Variants in TMEM120B observed in about 807,000 individuals in gnomAD.
TMEM120B encodes the protein transmembrane protein 120B.
Under a neutral mutation model 55.5 loss-of-function variants are expected in TMEM120B, and 31 were observed. The observed-to-expected ratio is 0.56, with a 90% confidence interval of 0.42 to 0.75. The LOEUF (loss-of-function observed/expected upper bound fraction) is 0.75, where lower values mean the gene tolerates loss of function less well. Ranked by LOEUF, TMEM120B falls within the 30% of genes least tolerant of loss-of-function variation. TMEM120B has a pLI of 0.00. For synonymous variants in TMEM120B, 203 were observed against 176.3 expected (o/e 1.15, Z -1.20); for missense variants, 399 against 425.5 (o/e 0.94, Z 0.55).
chr12:121,751,934 C>T (rs1345155894), intron 4 of TMEM120B, among the ~76,000 whole-genome samples, 194 bp from the exon 5 acceptor site: 1 of 152,230 alleles, frequency 6.6e-6, no homozygotes, highest in Non-Finnish European at 1.5e-5. Context: ...GGGCCTTCTG[C>T]ATACTTGGCC....
chr12:121,743,848 CAG>C, intron 2 of TMEM120B, 101 bp downstream of exon 2: 1 of 868,846 alleles, frequency 1.2e-6, no homozygotes, highest in Non-Finnish European at 1.9e-6. Flanking sequence ...TGGAAAAAGA[CAG>C]GACTGGGAGT....
At position 121,770,941 on chromosome 12, in the gene TMEM120B, T is replaced by C; in HGVS notation, c.586T>C (p.Ser196Pro). 4 of 1,614,020 alleles carry C rather than the reference T, an allele frequency of 2.5e-6. No individual in the cohort carries two copies. Among genetic ancestry groups the C allele is most frequent in the Non-Finnish European group, 3.4e-6 (4 of 1,179,974 alleles). The change falls in exon 7 of 12, where the codon TCC becomes CCC. Residue 196 changes from serine to proline, a missense_variant. By Grantham distance (74) the Ser-to-Pro change is moderately conservative. Around this residue, in one of 3 missense-constraint regions of TMEM120B, gnomAD observed 260 missense variants for 303.9 expected, o/e 0.86. Transcript: ENST00000449592. ...KGWWVSHHYVSTFLSGVMLTW... is the reference protein window; with the variant it reads ...KGWWVSHHYVPTFLSGVMLTW... ...CTGGTGGGTGTCTCACCACTACGTC[T>C]CCACATTCCTGTCCGGAGTGATGCT...
intron 1 of TMEM120B, among the ~76,000 whole-genome samples, chr12:121,718,768 A>G (rs1894745269): frequency 6.6e-6 from 1 of 152,110 alleles, no homozygotes; most frequent in Non-Finnish European, 1.5e-5. Flanking sequence ...TTAGTTGCAA[A>G]TGAAAAAAAC....
intron 5 of TMEM120B, among the ~76,000 whole-genome samples, chr12:121,757,148 G>GC (rs1020655390): frequency 3.3e-5 from 5 of 151,176 alleles, no homozygotes; most frequent in Non-Finnish European, 7.4e-5. Flanking sequence ...GGTGGGGGGG[G>GC]GGGGTGTCAC....
In TMEM120B at chr12:121,736,370, A is replaced by G. The variant is rs542551499; in HGVS notation, c.70-7259A>G. ...TTTTTAGTAGAGACGGGGTTTTACCATGTTAGCCAGGATTGTCTCGATCTC... is the reference window on the plus strand; with the variant it reads ...TTTTTAGTAGAGACGGGGTTTTACCGTGTTAGCCAGGATTGTCTCGATCTC... On this transcript the variant is annotated intron_variant, in intron 1 of 11. Transcript: ENST00000449592. Among the ~76,000 whole-genome samples, 322 of 144,808 alleles carry G rather than the reference A, an allele frequency of 2.2e-3. 6 individuals carry two copies. Among genetic ancestry groups the G allele is most frequent in the Admixed American group, 0.014 (194 of 14,344 alleles). The allele number at this position is 144,808 out of a possible 152,430, so 95.0% of individuals were successfully genotyped here. A position where few individuals can be genotyped will look rare whatever the true frequency, so the allele number is the denominator to read the frequency against.
chr12:121,733,070 A>T (rs1320714511), intron 1 of TMEM120B, among the ~76,000 whole-genome samples: 3 of 152,028 alleles, frequency 2.0e-5, no homozygotes, highest in Middle Eastern at 3.4e-3. Flanking sequence ...CTAGAGACAT[A>T]CTTGCCTGTG....
chr12:121,713,592 C>T (rs760261967), intron 1 of TMEM120B, among the ~76,000 whole-genome samples: 1 of 152,152 alleles, frequency 6.6e-6, no homozygotes, highest in Non-Finnish European at 1.5e-5. Flanking sequence ...GGGAAACTCC[C>T]AGCTCTATCC....
chr12:121,772,086 TCTC>T (rs1874078090), intron 8 of TMEM120B, among the ~76,000 whole-genome samples: 4 of 91,478 alleles, frequency 4.4e-5, no homozygotes, highest in Admixed American at 3.3e-4. Context: ...TCTTTCTCTT[TCTC>T]TCTCTCTCTC....
intron 1 of TMEM120B, among the ~76,000 whole-genome samples, chr12:121,730,583 G>A (rs1367655818): frequency 1.3e-5 from 2 of 150,180 alleles, no homozygotes; most frequent in Non-Finnish European, 3.0e-5. Flanking sequence ...TCCAGGAGGC[G>A]GAGGTTTCAG....
At chr12:121,774,800 CCTT>C (rs977198351) in intron 10 of TMEM120B, 78 bp downstream of exon 10, 7 of 1,503,564 alleles carry the variant, frequency 4.7e-6, no homozygotes, top group African/African-American at 2.8e-5. Context: ...GCCTTGCCCT[CCTT>C]CTCCATCCGT....
At chr12:121,769,821 A>AC (rs1873976588) in intron 6 of TMEM120B, among the ~76,000 whole-genome samples, 1 of 151,714 alleles carries the variant, frequency 6.6e-6, no homozygotes, top group African/African-American at 2.4e-5. Context: ...TAGAGACAAG[A>AC]CCCCTGCTCA....
chr12:121,780,905 C>T lies in TMEM120B; in HGVS notation c.*5183C>T, dbSNP rs1202658630. The T allele has an allele frequency of 6.2e-7, 1 of 1,613,846 alleles. No homozygotes were observed. Among genetic ancestry groups the T allele is most frequent in the Admixed American group, 1.7e-5 (1 of 60,012 alleles). Reference sequence around the variant, plus strand: ...AGGTGATGGGCTCCAGCTGGGCGGCCCGGAGCTTCCGCAGCTGCTCCTTGT... The same window carrying T: ...AGGTGATGGGCTCCAGCTGGGCGGCTCGGAGCTTCCGCAGCTGCTCCTTGT... On this transcript the variant is annotated 3_prime_UTR_variant, in exon 12 of 12. Transcript: ENST00000449592.
chr12:121,724,014 C>T (rs1014057244), intron 1 of TMEM120B, among the ~76,000 whole-genome samples: 7 of 141,998 alleles, frequency 4.9e-5, no homozygotes, highest in African/African-American at 1.8e-4. Context: ...GTTGTCCAGG[C>T]TGGTCTCAAG....
intron 1 of TMEM120B, among the ~76,000 whole-genome samples, chr12:121,735,079 G>T (rs1895080610): frequency 6.7e-6 from 1 of 149,808 alleles, no homozygotes; most frequent in African/African-American, 2.4e-5. Context: ...CCAGCTACTT[G>T]GGAGGCTGAG....
chr12:121,720,646 A>G (rs528422646), intron 1 of TMEM120B, among the ~76,000 whole-genome samples: 1 of 152,064 alleles, frequency 6.6e-6, no homozygotes, highest in Non-Finnish European at 1.5e-5. Context: ...AGGGAGGTGA[A>G]GGCTGTGGTG....
intron 1 of TMEM120B, among the ~76,000 whole-genome samples, chr12:121,734,103 C>A (rs185153446): frequency 7.0e-4 from 107 of 152,162 alleles, no homozygotes; most frequent in African/African-American, 2.4e-3. Context: ...AAAACAACGG[C>A]TGCCTGATGC....
chr12:121,742,690 A>AT (rs1165059012), intron 1 of TMEM120B, among the ~76,000 whole-genome samples: 1 of 140,990 alleles, frequency 7.1e-6, no homozygotes, highest in Non-Finnish European at 1.6e-5. Flanking sequence ...GGTTCAAGTG[A>AT]TTCTCCTGCC....
chr12:121,730,603 A>T (rs1436115278), intron 1 of TMEM120B, among the ~76,000 whole-genome samples: 2 of 147,050 alleles, frequency 1.4e-5, no homozygotes, highest in African/African-American at 2.5e-5. Flanking sequence ...GTGAGCCGAG[A>T]TCACTCCACT....
chr12:121,769,974 G>A (rs141473414), intron 6 of TMEM120B, among the ~76,000 whole-genome samples: 3 of 152,138 alleles, frequency 2.0e-5, no homozygotes, highest in South Asian at 2.1e-4. Flanking sequence ...CAGATAAGGC[G>A]GTCAGGAGGC....
Sources: gnomAD v4.1 joint callset for allele counts (sites outside exome capture counted in the v4.1 genomes callset) on GRCh38, gnomAD v4.1.1 for gene constraint, gnomAD v4.1.1 regional missense constraint, MANE v1.5 for transcripts, NCBI Gene and HGNC (gene_info 2026-07-23, HGNC 2026-07-21) for gene names.